SLC38A10: variants seen among roughly 807,000 people sequenced by gnomAD.
The protein encoded by SLC38A10 is solute carrier family 38 member 10, also known as Sodium-coupled neutral amino acid transporter 10.
Under a neutral mutation model 81.0 loss-of-function variants are expected in SLC38A10, and 53 were observed. The observed-to-expected ratio is 0.65, with a 90% CI of 0.53 to 0.82. The LOEUF (loss-of-function observed/expected upper bound fraction) is 0.82. Ranked by LOEUF, SLC38A10 falls within the 40% of genes least tolerant of loss-of-function variation. SLC38A10 has a pLI of 0.00. For synonymous variants in SLC38A10, 665 were observed against 655.3 expected, an observed-to-expected ratio of 1.01 and a Z score of -0.23; for missense variants, 1,471 against 1,545.0, an observed-to-expected ratio of 0.95 and a Z score of 0.80.
At chr17:81,292,009 T>TA (rs1437099366) in intron 1 of SLC38A10, among the ~76,000 whole-genome samples, 1 of 152,074 alleles carries the variant, frequency 6.6e-6, no homozygotes. Context: ...CATATGAAAA[T>TA]TCATCAACAG....
In SLC38A10 at chr17:81,286,610, C is replaced by T. The variant is rs114720950; in HGVS notation, c.218-1715G>A. 2.9e-3 allele frequency among the ~76,000 whole-genome samples: 444 copies of T among 152,308 alleles called. 4 individuals carry two copies. The highest frequency in any genetic ancestry group is 0.01 in the African/African-American group (428 of 41,568). ...GCAAGGTCCCGGGGACCCAGCCCTC[C>T]CCCGAGTGTGGACTCCCAGTGCGGG... On this transcript the variant is annotated intron_variant, in intron 2 of 15. Coordinates refer to ENST00000374759, the MANE Select transcript of SLC38A10 (RefSeq NM_001037984.3). This position sits in a 1 kb window ranked among gnomAD's most constrained non-coding sequence, Gnocchi z 6.0.
intron 2 of SLC38A10, 171 bp from the exon 3 acceptor site, chr17:81,285,066 T>C: frequency 2.0e-6 from 1 of 490,552 alleles, no homozygotes; most frequent in Non-Finnish European, 3.7e-6. Flanking sequence ...TTGGATCTAC[T>C]GTCTGCAAAT....
intron 2 of SLC38A10, 89 bp from the exon 3 acceptor site, chr17:81,284,984 T>C (rs72850635): frequency 0.052 from 65,547 of 1,258,118 alleles, 1,946 homozygotes; most frequent in Admixed American, 0.065. Flanking sequence ...CAAGGGCGAT[T>C]TCACAGAAAC....
chr17:81,252,255 C>G lies in SLC38A10; in HGVS notation c.1885G>C (p.Gly629Arg), dbSNP rs975836181. The G allele has an allele frequency of 1.3e-6, 2 of 1,562,904 alleles. No individual in the cohort carries two copies. The highest frequency in any genetic ancestry group is 1.7e-6 in the Non-Finnish European group (2 of 1,155,594). ...CCGGCGGCGTTGCCTGGCGGCGGTCCCCCCTTGGCCTTTTCCCCTCCACCC... is the reference window on the plus strand; with the variant it reads ...CCGGCGGCGTTGCCTGGCGGCGGTCGCCCCTTGGCCTTTTCCCCTCCACCC... The part of the protein sequence containing the change: ...AVGGGEKAKG[G>R]PPPGNAAGDT... The change falls in exon 13 of 16, where the codon GGA (glycine) becomes CGA (arginine). Residue 629 changes from glycine to arginine, a missense_variant. By Grantham distance (125) the Gly-to-Arg change is moderately radical. Around this residue, in one of 2 missense-constraint regions of SLC38A10, gnomAD observed 751 missense variants for 717.4 expected, o/e 1.05. Transcript: ENST00000374759.
chr17:81,254,221 G>T (rs1333568973), intron 11 of SLC38A10, among the ~76,000 whole-genome samples: 1 of 152,180 alleles, frequency 6.6e-6, no homozygotes, highest in African/African-American at 2.4e-5. Context: ...CAGCAGATGG[G>T]GCCTCACCAG....
At position 81,246,408 on chromosome 17, in the gene SLC38A10, G is replaced by A. The variant is rs201573450; in HGVS notation, c.2508C>T (p.Gly836=). The change falls in exon 16 of 16, where the codon GGC becomes GGT. Residue 836 remains glycine, a synonymous_variant. Coordinates refer to ENST00000374759, the MANE Select transcript of SLC38A10 (RefSeq NM_001037984.3). ...CTGCCCTGGGGGCGGCATCCTTCTG[G>A]CCATCTCTCAGCTTGGCCTGGGCTG... ...PRAAQAKLRD[G]QKDAAPRAAG... 69 of 1,601,006 alleles carry A rather than the reference G, an allele frequency of 4.3e-5. No individual in the cohort carries two copies. In the African/African-American group the frequency reaches 6.8e-4, roughly 16 times the overall value.
intron 14 of SLC38A10, chr17:81,247,573 C>G (rs923103148): frequency 6.6e-6 from 1 of 152,228 alleles, no homozygotes; most frequent in African/African-American, 2.4e-5. Context: ...CGCCTGTAAT[C>G]CCAGCAATTT....
intron 10 of SLC38A10, among the ~76,000 whole-genome samples, chr17:81,269,500 C>T (rs982531127): frequency 1.3e-5 from 2 of 151,920 alleles, no homozygotes; most frequent in African/African-American, 4.8e-5. Context: ...CACACGTGGA[C>T]GTGTATTCTA....
In SLC38A10 at chr17:81,245,403, T is replaced by C. The variant is rs2062838618; in HGVS notation, c.*153A>G. On this transcript the variant is annotated 3_prime_UTR_variant, in exon 16 of 16. Coordinates refer to ENST00000374759, the MANE Select transcript of SLC38A10 (RefSeq NM_001037984.3). ...GGAAACGATGCCACAGTGAATCTTTTATACTGTCACTCACACTTGGTGAGG... is the reference window on the plus strand; with the variant it reads ...GGAAACGATGCCACAGTGAATCTTTCATACTGTCACTCACACTTGGTGAGG... The C allele has an allele frequency of 1.1e-6, 1 of 943,728 alleles. No individual in the cohort carries two copies. The highest frequency in any genetic ancestry group is 1.7e-5 in the African/African-American group (1 of 60,042). The allele number at this position is 943,728 out of a possible 1,614,324, so 58.5% of individuals were successfully genotyped here.
chr17:81,293,892 G>A (rs1403378331), intron 1 of SLC38A10, among the ~76,000 whole-genome samples: 3 of 152,210 alleles, frequency 2.0e-5, no homozygotes. Flanking sequence ...TTAAACAGAT[G>A]ACACTTAGAA....
chr17:81,264,512 C>T (rs1049722036), intron 10 of SLC38A10: 1 of 152,382 alleles, frequency 6.6e-6, no homozygotes, highest in Middle Eastern at 3.3e-3. Flanking sequence ...GATCGTAGCA[C>T]CCTCCCCCGG....
At chr17:81,269,964 CAAAA>C (rs1190246883) in intron 10 of SLC38A10, among the ~76,000 whole-genome samples, 1 of 150,330 alleles carries the variant, frequency 6.7e-6, no homozygotes, top group Non-Finnish European at 1.5e-5. Flanking sequence ...AACTCTGTCT[CAAAA>C]GAAAAAAAAA....
chr17:81,266,423 T>A (rs1326205980), intron 10 of SLC38A10, among the ~76,000 whole-genome samples: 1 of 151,934 alleles, frequency 6.6e-6, no homozygotes, highest in Non-Finnish European at 1.5e-5. Context: ...ATCGAGACCA[T>A]CCTGGCTAAC....
At chr17:81,256,304 G>C (rs1333986195) in intron 11 of SLC38A10, among the ~76,000 whole-genome samples, 1 of 152,252 alleles carries the variant, frequency 6.6e-6, no homozygotes, top group African/African-American at 2.4e-5. Flanking sequence ...GTGGTGACCT[G>C]GAGGGGAAGG....
chr17:81,278,826 G>A (rs2063184031), intron 6 of SLC38A10, among the ~76,000 whole-genome samples: 4 of 152,180 alleles, frequency 2.6e-5, no homozygotes, highest in Admixed American at 2.6e-4. Context: ...GACCCCCAAG[G>A]AAGCCACGGA....
At chr17:81,258,046 T>C (rs112852872) in intron 11 of SLC38A10, among the ~76,000 whole-genome samples, 8 of 152,344 alleles carry the variant, frequency 5.3e-5, no homozygotes, top group Non-Finnish European at 7.3e-5. Flanking sequence ...GACTCAGCCA[T>C]GCTCACAAAG....
intron 2 of SLC38A10, among the ~76,000 whole-genome samples, chr17:81,287,699 G>A (rs1567949109): frequency 6.6e-6 from 1 of 152,246 alleles, no homozygotes; most frequent in Non-Finnish European, 1.5e-5. Context: ...AGGCAGCACA[G>A]AAGAGCACCC....
chr17:81,247,173 G>A (rs971401602), intron 14 of SLC38A10, 112 bp from the exon 15 acceptor site: 26 of 1,140,080 alleles, frequency 2.3e-5, no homozygotes, highest in Non-Finnish European at 3.0e-5. Context: ...CAGGGAGTGT[G>A]CCCGAACACT....
chr17:81,282,133 A>G, intron 5 of SLC38A10, 56 bp downstream of exon 5: 3 of 1,604,340 alleles, frequency 1.9e-6, no homozygotes, highest in Non-Finnish European at 2.6e-6. Flanking sequence ...TGGCCACAGG[A>G]AAGAATGGGC....
Sources: gnomAD v4.1 joint callset for allele counts (sites outside exome capture counted in the v4.1 genomes callset) on GRCh38, gnomAD v4.1.1 for gene constraint, gnomAD v4.1.1 regional missense constraint, Gnocchi (gnomAD v3.1) non-coding constraint, MANE v1.5 for transcripts, NCBI Gene and HGNC (gene_info 2026-07-23, HGNC 2026-07-21) for gene names.